The following ABHD12 variants were observed in gnomAD, a reference collection of about 807,000 sequenced individuals.
The protein encoded by ABHD12 is abhydrolase domain containing 12, lysophospholipase.
In ABHD12, 43 loss-of-function variants were observed where a neutral mutation model predicts 58.3. That is an observed-to-expected ratio of 0.74 (90% confidence interval 0.58 to 0.95). ABHD12 has a LOEUF of 0.95. Ranked by LOEUF, ABHD12 falls within the 40% of genes least tolerant of loss-of-function variation. The probability of loss-of-function intolerance (pLI) is 0.00; values close to 1 mark genes in which losing one functional copy is unlikely to be tolerated. For synonymous variants in ABHD12, 219 were observed against 211.2 expected, an observed-to-expected ratio of 1.04 and a Z score of -0.32; for missense variants, 539 against 537.2, an observed-to-expected ratio of 1.00 and a Z score of -0.03.
chr20:25,302,413 A>C (rs1251327203), intron 11 of ABHD12, 67 bp from the exon 12 acceptor site: 2 of 1,598,696 alleles, frequency 1.3e-6, no homozygotes, highest in Non-Finnish European at 1.7e-6. Flanking sequence ...GAGGAACACC[A>C]GCTTGGCAGC....
At chr20:25,369,082 T>C (rs1176762471) in intron 1 of ABHD12, among the ~76,000 whole-genome samples, 1 of 151,944 alleles carries the variant, frequency 6.6e-6, no homozygotes, top group Non-Finnish European at 1.5e-5. Flanking sequence ...TGCACCACTG[T>C]AGTCCAGCCT....
At chr20:25,305,809 C>T (rs1289993940) in intron 10 of ABHD12, among the ~76,000 whole-genome samples, 1 of 152,132 alleles carries the variant, frequency 6.6e-6, no homozygotes, top group Non-Finnish European at 1.5e-5. Context: ...TAACAATAAA[C>T]TTTGTAATAT....
intron 1 of ABHD12, among the ~76,000 whole-genome samples, chr20:25,373,987 T>C (rs908274715): frequency 1.3e-5 from 2 of 152,188 alleles, no homozygotes; most frequent in African/African-American, 4.8e-5. Flanking sequence ...TGTAGTGGCT[T>C]GATCATGGCT....
downstream of ABHD12, among the ~76,000 whole-genome samples, chr20:25,295,363 T>C (rs1395480366): frequency 6.6e-6 from 1 of 152,242 alleles, no homozygotes; most frequent in Non-Finnish European, 1.5e-5. Context: ...TAAAGGAGTG[T>C]TGGGTTGAAA....
rs76283203 is a variant in ABHD12, at chr20:25,361,678, G to A, written c.192-22327C>T. On this transcript the variant is annotated intron_variant, in intron 1 of 12. Transcript: ENST00000339157. ...ATTTGAAAATCTTACACCTGGGACCGGGCGTGGTGGCTCACGCCTGTAATC... is the reference window on the plus strand; with the variant it reads ...ATTTGAAAATCTTACACCTGGGACCAGGCGTGGTGGCTCACGCCTGTAATC... Among the ~76,000 whole-genome samples, 994 of 152,330 alleles carry A rather than the reference G, an allele frequency of 6.5e-3. 9 individuals are homozygous for A. The highest frequency in any genetic ancestry group is 0.023 in the African/African-American group (948 of 41,572).
chr20:25,363,911 G>A (rs938579782), intron 1 of ABHD12, among the ~76,000 whole-genome samples: 1 of 152,044 alleles, frequency 6.6e-6, no homozygotes, highest in Admixed American at 6.6e-5. Flanking sequence ...GCAGTATGTG[G>A]GCAACTTATC....
At chr20:25,337,816 C>T (rs2089397697) in intron 2 of ABHD12, among the ~76,000 whole-genome samples, 1 of 152,180 alleles carries the variant, frequency 6.6e-6, no homozygotes, top group Non-Finnish European at 1.5e-5. Context: ...GTCAGAAAAA[C>T]AAAACTCCCA....
intron 2 of ABHD12, among the ~76,000 whole-genome samples, chr20:25,327,663 T>C (rs1600804725): frequency 1.3e-5 from 2 of 152,172 alleles, no homozygotes; most frequent in East Asian, 3.9e-4. Context: ...TACCCTTTTC[T>C]GGAAACAAAC....
chr20:25,322,993 G>A (rs937388608), intron 3 of ABHD12, among the ~76,000 whole-genome samples: 4 of 152,212 alleles, frequency 2.6e-5, no homozygotes, highest in Admixed American at 2.6e-4. Context: ...AAAGTGCTGG[G>A]ATTACAGGTG....
intron 1 of ABHD12, among the ~76,000 whole-genome samples, chr20:25,374,580 G>A (rs1017798710): frequency 3.9e-5 from 6 of 152,018 alleles, no homozygotes; most frequent in Admixed American, 2.0e-4. Context: ...TGCAACCTCC[G>A]CCTCCCAGGT....
At chr20:25,383,025 A>G (rs2090041050) in intron 1 of ABHD12, among the ~76,000 whole-genome samples, 1 of 152,216 alleles carries the variant, frequency 6.6e-6, no homozygotes, top group South Asian at 2.1e-4. Flanking sequence ...AGGGTGGAGC[A>G]AAAGGAAAAA....
chr20:25,327,134 C>CCATCTT (rs1476508163), intron 2 of ABHD12, among the ~76,000 whole-genome samples: 1 of 152,212 alleles, frequency 6.6e-6, no homozygotes, highest in Non-Finnish European at 1.5e-5. Flanking sequence ...TGCCCTTTCT[C>CCATCTT]CATCTTCATT....
Position 25,317,047 on chromosome 20 carries a change from C to T in ABHD12, c.573+1G>A. 3 of 1,613,010 alleles carry T rather than the reference C, an allele frequency of 1.9e-6. No individual in the cohort carries two copies. The highest frequency in any genetic ancestry group is 2.5e-6 in the Non-Finnish European group (3 of 1,179,588). Reference sequence around the variant, plus strand: ...CAGGTGTGGGTGCTGCCTGCACTCACCTTGTAAAGCTCCACGCGGTGGTCG... The same window carrying T: ...CAGGTGTGGGTGCTGCCTGCACTCATCTTGTAAAGCTCCACGCGGTGGTCG... On this transcript the variant is annotated splice_donor_variant, in intron 5 of 12. Transcript: ENST00000339157. LOFTEE classifies it high-confidence loss of function.
intron 11 of ABHD12, 114 bp downstream of exon 11, chr20:25,303,436 C>G (rs551712081): frequency 6.5e-7 from 1 of 1,538,326 alleles, no homozygotes; most frequent in Non-Finnish European, 8.7e-7. Context: ...GTGCGCAGCC[C>G]GTGATGCAGC....
At chr20:25,379,864 T>G (rs927830456) in intron 1 of ABHD12, among the ~76,000 whole-genome samples, 3 of 152,086 alleles carry the variant, frequency 2.0e-5, no homozygotes, top group Non-Finnish European at 4.4e-5. Flanking sequence ...AATTCTTTTT[T>G]TTTTTGGTCT....
chr20:25,310,883 G>C (rs2088837179), intron 6 of ABHD12, among the ~76,000 whole-genome samples: 2 of 152,214 alleles, frequency 1.3e-5, no homozygotes, highest in Non-Finnish European at 2.9e-5. Context: ...CACGAGAACT[G>C]AAACAGAAAG....
downstream of ABHD12, chr20:25,296,637 T>C (rs1349293383): frequency 3.6e-6 from 5 of 1,373,010 alleles, no homozygotes; most frequent in South Asian, 5.6e-5. Flanking sequence ...CTGAGTACCA[T>C]GTTTCCAGGA....
intron 1 of ABHD12, among the ~76,000 whole-genome samples, chr20:25,387,183 A>G: frequency 6.6e-6 from 1 of 152,234 alleles, no homozygotes. Context: ...CACTAACAGC[A>G]TTCTCATTAA....
intron 10 of ABHD12, among the ~76,000 whole-genome samples, chr20:25,305,137 GATTACAGGCGTGAGCCA>G (rs2088711838): frequency 6.6e-6 from 1 of 152,194 alleles, no homozygotes. Flanking sequence ...AAAGTGCTGG[GATTACAGGCGTGAGCCA>G]CTGCACCCAG....
Sources: allele counts gnomAD v4.1 joint callset (sites outside exome capture counted in the v4.1 genomes callset), GRCh38; gene constraint gnomAD v4.1.1; transcripts MANE v1.5; gene names NCBI Gene and HGNC (gene_info 2026-07-23, HGNC 2026-07-21).